Variants in IDO2 observed in about 807,000 individuals in gnomAD.
IDO2 encodes the protein indoleamine 2,3-dioxygenase-like 1 protein.
In IDO2, 46 loss-of-function variants were observed where a neutral mutation model predicts 45.1. The ratio of observed to expected loss-of-function variants is 1.02; its 90% confidence interval spans 0.80 to 1.30. The LOEUF is 1.30. Among genes scored for constraint, IDO2 ranks in the 50% most tolerant of loss-of-function variants. The probability of loss-of-function intolerance (pLI) is 0.00; values close to 1 mark genes in which losing one functional copy is unlikely to be tolerated. For missense variants in IDO2, 544 were observed against 491.8 expected (o/e 1.11, Z -1.00); for synonymous variants, 218 against 184.9 (o/e 1.18, Z -1.45).
chr8:40,015,600 T>C, exon 11 of IDO2: 1 of 1,605,176 alleles, frequency 6.2e-7, no homozygotes. Flanking sequence ...CCCACGTGGT[T>C]AGGAGGCTGC....
intron 2 of IDO2, among the ~76,000 whole-genome samples, chr8:39,954,833 T>G (rs1318656558): frequency 1.3e-5 from 2 of 151,524 alleles, no homozygotes; most frequent in African/African-American, 4.9e-5. Flanking sequence ...TTTTTTGTAT[T>G]TTTAGTAGAG....
At chr8:39,938,930 T>G (rs1321758361) in intron 1 of IDO2, among the ~76,000 whole-genome samples, 1 of 152,148 alleles carries the variant, frequency 6.6e-6, no homozygotes, top group African/African-American at 2.4e-5. Flanking sequence ...GACAGCACTC[T>G]CAGTGCTGGT....
intron 8 of IDO2, among the ~76,000 whole-genome samples, chr8:39,995,837 T>C (rs1159657361): frequency 6.6e-6 from 1 of 152,134 alleles, no homozygotes; most frequent in Non-Finnish European, 1.5e-5. Flanking sequence ...CCTTCTGTTA[T>C]GCCCGGACAG....
At chr8:39,989,028 T>C (rs4736930) in intron 7 of IDO2, among the ~76,000 whole-genome samples, 26,200 of 152,092 alleles carry the variant, frequency 0.17, 3,157 homozygotes, top group East Asian at 0.69. Context: ...ACATACTACC[T>C]GAGACTGGGT....
chr8:39,969,916 G>A (rs886236587), intron 3 of IDO2, among the ~76,000 whole-genome samples: 1 of 151,748 alleles, frequency 6.6e-6, no homozygotes, highest in African/African-American at 2.4e-5. Context: ...AAATGATTAA[G>A]CTTGGTGAGA....
chr8:39,955,413 C>T (rs556629367), intron 2 of IDO2, among the ~76,000 whole-genome samples: 21 of 151,866 alleles, frequency 1.4e-4, no homozygotes, highest in Admixed American at 2.6e-4. Context: ...GGCCATCACA[C>T]CCGGCTTATT....
At chr8:39,969,695 C>T (rs570463431) in intron 3 of IDO2, among the ~76,000 whole-genome samples, 10 of 152,128 alleles carry the variant, frequency 6.6e-5, no homozygotes, top group Non-Finnish European at 1.0e-4. Context: ...GCCAACATGG[C>T]GAAACTCTGT....
intron 4 of IDO2, among the ~76,000 whole-genome samples, chr8:39,982,254 G>GTA (rs1563434318): frequency 8.4e-6 from 1 of 118,832 alleles, no homozygotes; most frequent in African/African-American, 3.1e-5. Flanking sequence ...ATATATATAT[G>GTA]TATATATATA....
At chr8:39,995,271 T>TTCTTCTTCTTCC (rs1585415787) in intron 8 of IDO2, 13 of 119,330 alleles carry the variant, frequency 1.1e-4, no homozygotes, top group East Asian at 4.1e-4. Context: ...CTTCCTCTTC[T>TTCTTCTTCTTCC]TCTTCTTCTT....
chr8:39,949,226 A>G (rs964439517), exon 2 of IDO2: 10 of 1,604,468 alleles, frequency 6.2e-6, no homozygotes, highest in South Asian at 2.2e-5. Context: ...AAGCTATCAC[A>G]TATCTGAAGA....
At chr8:39,983,415 C>A (rs1182065220) in intron 5 of IDO2, among the ~76,000 whole-genome samples, 1 of 152,164 alleles carries the variant, frequency 6.6e-6, no homozygotes, top group Non-Finnish European at 1.5e-5. Context: ...ATGAAAGAGA[C>A]AGCACTTTCT....
intron 1 of IDO2, among the ~76,000 whole-genome samples, chr8:39,943,659 C>A (rs1292829512): frequency 1.3e-5 from 2 of 149,726 alleles, no homozygotes; most frequent in African/African-American, 2.5e-5. Context: ...ATGGCGTGAA[C>A]CCCGGGGGGC....
At chr8:39,957,042 C>CA (rs56064306) in intron 2 of IDO2, among the ~76,000 whole-genome samples, 5,742 of 31,112 alleles carry the variant, frequency 0.18, 993 homozygotes, top group East Asian at 0.31. Context: ...GACTCCATCT[C>CA]AAAAAAAAAA....
At chr8:39,999,571 G>A (rs934725249) in intron 8 of IDO2, among the ~76,000 whole-genome samples, 2 of 151,158 alleles carry the variant, frequency 1.3e-5, no homozygotes, top group Non-Finnish European at 2.9e-5. Flanking sequence ...GAGCCACCAC[G>A]CCTGGCCACA....
At position 40,004,421 on chromosome 8, in the gene IDO2, TGATA is replaced by T. The variant is rs140752019; in HGVS notation, c.668-899_668-896del. On this transcript the variant is annotated intron_variant, in intron 8 of 10. Transcript: ENST00000502986. The stretch of plus-strand genomic sequence containing the variant: ...ATAAATAGGTAGATAGGTAGATAGA[TGATA>T]GATAGAGAGATAGATAGATAAATAC... Among the ~76,000 whole-genome samples the T allele has an allele frequency of 6.6e-3, 1,011 of 152,180 alleles. 6 individuals are homozygous for T. The highest frequency in any genetic ancestry group is 0.02 in the African/African-American group (839 of 41,514).
exon 2 of IDO2, chr8:39,949,165 A>C (rs1373041455): frequency 4.4e-6 from 7 of 1,605,780 alleles, no homozygotes; most frequent in Non-Finnish European, 5.1e-6. Flanking sequence ...CAAACAAAAT[A>C]ATGGAGCCCC....
At chr8:39,963,867 C>G (rs2543052) in intron 3 of IDO2, among the ~76,000 whole-genome samples, 164 bp downstream of exon 3, 1 of 152,068 alleles carries the variant, frequency 6.6e-6, no homozygotes, top group Non-Finnish European at 1.5e-5. Flanking sequence ...ATGACCCCTT[C>G]GTAATCTGAT....
intron 8 of IDO2, among the ~76,000 whole-genome samples, chr8:39,996,197 G>A (rs1802045183): frequency 6.6e-6 from 1 of 152,046 alleles, no homozygotes; most frequent in African/African-American, 2.4e-5. Flanking sequence ...GGCCTGACAT[G>A]AGTCAGGCCT....
At chr8:39,954,914 C>G (rs1807868074) in intron 2 of IDO2, among the ~76,000 whole-genome samples, 3 of 151,780 alleles carry the variant, frequency 2.0e-5, no homozygotes, top group Admixed American at 1.3e-4. Flanking sequence ...ACCTCGGCCT[C>G]TCAAAGTGCT....
Sources: gnomAD v4.1 joint callset for allele counts (sites outside exome capture counted in the v4.1 genomes callset) on GRCh38, gnomAD v4.1.1 for gene constraint, MANE v1.5 for transcripts, NCBI Gene and HGNC (gene_info 2026-07-23, HGNC 2026-07-21) for gene names.